Variants in DACH1 observed in about 807,000 individuals in gnomAD.
DACH1 encodes dachshund family transcription factor 1.
In DACH1, 12 loss-of-function variants were observed where a neutral mutation model predicts 54.2. That is an observed-to-expected ratio of 0.22 (90% confidence interval 0.14 to 0.36). The LOEUF (loss-of-function observed/expected upper bound fraction) is 0.36. Among genes scored for constraint, DACH1 ranks in the 10% least tolerant of loss-of-function variants. DACH1 has a pLI of 1.00. For missense variants in DACH1, 805 were observed against 929.8 expected (o/e 0.87, Z 1.75); for synonymous variants, 386 against 366.2 (o/e 1.05, Z -0.62).
rs58100916 is a variant in DACH1, at chr13:71,781,346, T to TTTTATTTA, written c.848+84568_848+84575dup. Among the ~76,000 whole-genome samples the TTTTATTTA allele has an allele frequency of 7.0e-3, 960 of 137,204 alleles. 9 individuals carry two copies. The highest frequency in any genetic ancestry group is 0.015 in the East Asian group (71 of 4,600). 90.0% of individuals were successfully genotyped at this position (137,204 alleles called of 152,430 possible). On this transcript the variant is annotated intron_variant, in intron 1 of 10. Coordinates refer to ENST00000613252, the MANE Select transcript of DACH1 (RefSeq NM_080759.6). Reference sequence around the variant, plus strand: ...AACACTAGGTCCAGATCTTTTTTATTTTTATTTATTTATTTATTTATTTAT... The same window carrying TTTTATTTA: ...AACACTAGGTCCAGATCTTTTTTATTTTTATTTATTTATTTATTTATTTATTTATTTAT...
intron 3 of DACH1, among the ~76,000 whole-genome samples, 165 bp downstream of exon 3, chr13:71,630,391 C>T (rs567240557): frequency 6.6e-6 from 1 of 152,124 alleles, no homozygotes; most frequent in African/African-American, 2.4e-5. Flanking sequence ...GAACAATTAT[C>T]ATTAGTTGTT....
chr13:71,592,494 CAAAAAA>C (rs575364116), intron 3 of DACH1, among the ~76,000 whole-genome samples: 71 of 32,790 alleles, frequency 2.2e-3, no homozygotes, highest in African/African-American at 6.9e-3. Flanking sequence ...GACTCTATCT[CAAAAAA>C]AAAAAAAAAA....
intron 1 of DACH1, among the ~76,000 whole-genome samples, chr13:71,739,078 C>T (rs1408567422): frequency 6.6e-6 from 1 of 151,952 alleles, no homozygotes; most frequent in Admixed American, 6.6e-5. Flanking sequence ...CATGGTGAAA[C>T]CCCATCTCTG....
chr13:71,642,159 C>T (rs1877956214), intron 2 of DACH1, among the ~76,000 whole-genome samples: 1 of 152,100 alleles, frequency 6.6e-6, no homozygotes, highest in South Asian at 2.1e-4. Context: ...TTATACTGAT[C>T]CAATGACTTC....
intron 7 of DACH1, among the ~76,000 whole-genome samples, chr13:71,488,269 A>C (rs1263105892): frequency 6.6e-6 from 1 of 152,210 alleles, no homozygotes; most frequent in Non-Finnish European, 1.5e-5. Context: ...ATGGAGAAGT[A>C]GATGACAAAA....
At chr13:71,837,017 T>C (rs986231748) in intron 1 of DACH1, among the ~76,000 whole-genome samples, 2 of 150,138 alleles carry the variant, frequency 1.3e-5, no homozygotes, top group Admixed American at 6.7e-5. Context: ...CACACACACA[T>C]ACACACACAC....
chr13:71,605,796 C>T (rs749142784), intron 3 of DACH1, among the ~76,000 whole-genome samples: 3 of 151,878 alleles, frequency 2.0e-5, no homozygotes, highest in Non-Finnish European at 2.9e-5. Flanking sequence ...GAATTTACAA[C>T]CACAGAGAAG....
At chr13:71,593,734 T>A (rs1873893101) in intron 3 of DACH1, among the ~76,000 whole-genome samples, 1 of 151,980 alleles carries the variant, frequency 6.6e-6, no homozygotes, top group Non-Finnish European at 1.5e-5. Context: ...ATTTTAAAGG[T>A]CAATAACAAT....
chr13:71,764,853 C>T (rs1051317936), intron 1 of DACH1, among the ~76,000 whole-genome samples: 2 of 152,152 alleles, frequency 1.3e-5, no homozygotes, highest in African/African-American at 2.4e-5. Flanking sequence ...TTGAAATATA[C>T]GATTGGTCTT....
intron 6 of DACH1, among the ~76,000 whole-genome samples, chr13:71,508,630 CTTTT>C (rs558150592): frequency 6.7e-6 from 1 of 148,564 alleles, no homozygotes; most frequent in African/African-American, 2.5e-5. Flanking sequence ...ACTTGGGTAA[CTTTT>C]TTTTTTAGTT....
intron 4 of DACH1, among the ~76,000 whole-genome samples, chr13:71,566,430 C>T (rs927859017): frequency 2.6e-5 from 4 of 152,132 alleles, no homozygotes; most frequent in Non-Finnish European, 4.4e-5. Context: ...TAATTTCCTA[C>T]ACACTTATTT....
intron 1 of DACH1, among the ~76,000 whole-genome samples, chr13:71,762,234 C>T (rs1342725557): frequency 2.6e-5 from 4 of 152,052 alleles, no homozygotes; most frequent in Non-Finnish European, 5.9e-5. Context: ...AAGCCCATAT[C>T]GCTGGATCAC....
chr13:71,577,588 G>T (rs1049173477), intron 3 of DACH1, among the ~76,000 whole-genome samples: 3 of 152,116 alleles, frequency 2.0e-5, no homozygotes, highest in African/African-American at 7.2e-5. Flanking sequence ...TTTAAAATGA[G>T]GGGTACCTGA....
chr13:71,862,355 TTTG>T (rs1368313114), intron 1 of DACH1, among the ~76,000 whole-genome samples: 4 of 152,058 alleles, frequency 2.6e-5, no homozygotes, highest in African/African-American at 7.2e-5. Context: ...CTTTTCTTTT[TTTG>T]TTGTTATTTA....
At position 71,528,179 on chromosome 13, in the gene DACH1, C is replaced by T. The variant is rs80351357; in HGVS notation, c.1570+28845G>A. On this transcript the variant is annotated intron_variant, in intron 6 of 10. Transcript: ENST00000613252. The stretch of plus-strand genomic sequence containing the variant: ...TGTTGTGTTTTTCAAAGATGACACA[C>T]CGTATATACCATTCATTCAGACATA... Among the ~76,000 whole-genome samples the T allele has an allele frequency of 3.9e-3, 600 of 152,108 alleles. 4 individuals are homozygous for T. The highest frequency in any genetic ancestry group is 6.6e-3 in the Non-Finnish European group (452 of 67,992).
chr13:71,793,057 G>A (rs562070893), intron 1 of DACH1, among the ~76,000 whole-genome samples: 3 of 152,212 alleles, frequency 2.0e-5, no homozygotes, highest in African/African-American at 4.8e-5. Flanking sequence ...AATGGGAGAA[G>A]TATCAAACAT....
chr13:71,744,514 G>A (rs1233954700), intron 1 of DACH1, among the ~76,000 whole-genome samples: 10 of 152,144 alleles, frequency 6.6e-5, no homozygotes, highest in Admixed American at 6.6e-4. Context: ...TGATGCAGTA[G>A]GGGAATTAGT....
intron 2 of DACH1, among the ~76,000 whole-genome samples, chr13:71,653,519 T>C (rs923084189): frequency 7.2e-5 from 11 of 152,214 alleles, no homozygotes; most frequent in African/African-American, 1.9e-4. Flanking sequence ...TTTTACCTAC[T>C]GTAATTGTTA....
At chr13:71,824,096 A>G (rs1443337705) in intron 1 of DACH1, among the ~76,000 whole-genome samples, 1 of 151,986 alleles carries the variant, frequency 6.6e-6, no homozygotes, top group Non-Finnish European at 1.5e-5. Flanking sequence ...AATTTAAAAA[A>G]TAATATAGAA....
Sources: allele counts gnomAD v4.1 joint callset (sites outside exome capture counted in the v4.1 genomes callset), GRCh38; gene constraint gnomAD v4.1.1; transcripts MANE v1.5; gene names NCBI Gene and HGNC (gene_info 2026-07-23, HGNC 2026-07-21).